Variants in XIRP2 observed in about 807,000 individuals in gnomAD.
XIRP2 encodes the protein xin actin-binding repeat-containing protein 2.
In XIRP2, 236 loss-of-function variants were observed where a neutral mutation model predicts 277.0. The observed-to-expected ratio is 0.85, with a 90% CI of 0.77 to 0.95. The LOEUF (loss-of-function observed/expected upper bound fraction) is 0.95. Ranked by LOEUF, XIRP2 falls within the 40% of genes least tolerant of loss-of-function variation. The probability of loss-of-function intolerance (pLI) is 0.00; values close to 1 mark genes in which losing one functional copy is unlikely to be tolerated. For synonymous variants in XIRP2, 1,490 were observed against 1,416.5 expected, an observed-to-expected ratio of 1.05 and a Z score of -1.17; for missense variants, 4,640 against 4,157.5, an observed-to-expected ratio of 1.12 and a Z score of -3.19.
chr2:167,070,616 C>T (rs946875910), intron 2 of XIRP2, among the ~76,000 whole-genome samples: 1 of 152,108 alleles, frequency 6.6e-6, no homozygotes, highest in African/African-American at 2.4e-5. Flanking sequence ...ATGGCTGTTT[C>T]TTATCAGACA....
At chr2:166,942,016 T>C (rs1261251848) in intron 2 of XIRP2, among the ~76,000 whole-genome samples, 2 of 152,248 alleles carry the variant, frequency 1.3e-5, no homozygotes, top group South Asian at 2.1e-4. Context: ...CTTCCAGTTA[T>C]TCTGCCATTT....
chr2:167,193,511 T>G (rs1418416470), intron 3 of XIRP2, among the ~76,000 whole-genome samples: 1 of 152,180 alleles, frequency 6.6e-6, no homozygotes, highest in Non-Finnish European at 1.5e-5. Context: ...CAAAGAATGA[T>G]GAATAGCCCT....
chr2:167,215,270 A>T (rs573855485), intron 4 of XIRP2, among the ~76,000 whole-genome samples: 1 of 152,254 alleles, frequency 6.6e-6, no homozygotes, highest in Non-Finnish European at 1.5e-5. Context: ...ATTGATTAAG[A>T]TTTGCATTTA....
intron 2 of XIRP2, among the ~76,000 whole-genome samples, chr2:167,121,561 C>G (rs985225976): frequency 2.6e-5 from 4 of 152,078 alleles, no homozygotes; most frequent in African/African-American, 9.7e-5. Flanking sequence ...TCAATTGAAA[C>G]TAGTTAAAAT....
At chr2:167,200,540 T>TGAAAAATTG (rs1287813795) in intron 3 of XIRP2, among the ~76,000 whole-genome samples, 1 of 152,224 alleles carries the variant, frequency 6.6e-6, no homozygotes, top group East Asian at 1.9e-4. Context: ...TGCTTGTCAG[T>TGAAAAATTG]GAAAAATTGG....
intron 5 of XIRP2, among the ~76,000 whole-genome samples, chr2:167,233,238 A>C (rs2105420165): frequency 6.6e-6 from 1 of 152,114 alleles, no homozygotes; most frequent in Middle Eastern, 3.4e-3. Flanking sequence ...GTAGTGAGGA[A>C]TAATTGAGGC....
chr2:167,171,451 C>A (rs1249368856), intron 3 of XIRP2, among the ~76,000 whole-genome samples: 1 of 152,002 alleles, frequency 6.6e-6, no homozygotes, highest in Non-Finnish European at 1.5e-5. Context: ...AAGGAACATA[C>A]TATGTAGGAA....
At chr2:167,021,898 A>G (rs1186553857) in intron 2 of XIRP2, among the ~76,000 whole-genome samples, 1 of 152,070 alleles carries the variant, frequency 6.6e-6, no homozygotes, top group South Asian at 2.1e-4. Flanking sequence ...AATCTGTACA[A>G]ATTAGTATCA....
chr2:167,126,466 G>T (rs6432974), intron 2 of XIRP2, among the ~76,000 whole-genome samples: 44,488 of 152,012 alleles, frequency 0.29, 9,003 homozygotes, highest in African/African-American at 0.57. Context: ...ACATTACACA[G>T]GAGCATACAG....
At chr2:166,979,369 C>CTTT (rs66909002) in intron 2 of XIRP2, among the ~76,000 whole-genome samples, 16 of 108,508 alleles carry the variant, frequency 1.5e-4, no homozygotes, top group East Asian at 5.4e-4. Context: ...CTTTTCTTTT[C>CTTT]TTTTTTTTTT....
intron 2 of XIRP2, among the ~76,000 whole-genome samples, chr2:167,009,759 A>G (rs1002735152): frequency 6.6e-6 from 1 of 152,072 alleles, no homozygotes; most frequent in South Asian, 2.1e-4. Context: ...TCGCTATTCT[A>G]ACTGGTGTGA....
chr2:167,024,155 A>G (rs1302345203), intron 2 of XIRP2, among the ~76,000 whole-genome samples: 1 of 151,992 alleles, frequency 6.6e-6, no homozygotes, highest in Non-Finnish European at 1.5e-5. Context: ...GTTCTCCTTG[A>G]AAAGGTCCCT....
chr2:167,159,696 A>G (rs1163297488), intron 3 of XIRP2, among the ~76,000 whole-genome samples: 1 of 152,160 alleles, frequency 6.6e-6, no homozygotes, highest in Non-Finnish European at 1.5e-5. Context: ...AAACAATAAA[A>G]GGAACTTACT....
At chr2:167,080,108 TATG>T (rs1355105735) in intron 2 of XIRP2, among the ~76,000 whole-genome samples, 1 of 152,074 alleles carries the variant, frequency 6.6e-6, no homozygotes, top group Non-Finnish European at 1.5e-5. Context: ...CCAGGCAAGA[TATG>T]ATGGAAGCTT....
chr2:167,021,334 G>A (rs1687975142), intron 2 of XIRP2, among the ~76,000 whole-genome samples: 1 of 151,972 alleles, frequency 6.6e-6, no homozygotes, highest in African/African-American at 2.4e-5. Flanking sequence ...ATATAATTTG[G>A]CAGAAAAATT....
intron 2 of XIRP2, among the ~76,000 whole-genome samples, chr2:167,102,687 A>G (rs1690518252): frequency 6.6e-6 from 1 of 152,202 alleles, no homozygotes; most frequent in Non-Finnish European, 1.5e-5. Context: ...GTCTTCAGAA[A>G]GATCAAACAG....
chr2:167,115,758 A>G (rs1690880170), intron 2 of XIRP2, among the ~76,000 whole-genome samples: 1 of 152,090 alleles, frequency 6.6e-6, no homozygotes, highest in Admixed American at 6.6e-5. Context: ...TCTGATTTCC[A>G]TGTGCTTCCT....
At chr2:166,947,092 A>G (rs992759237) in intron 2 of XIRP2, among the ~76,000 whole-genome samples, 5 of 152,214 alleles carry the variant, frequency 3.3e-5, no homozygotes, top group African/African-American at 1.2e-4. Flanking sequence ...GAATCTATCA[A>G]TAAACATAGA....
chr2:167,215,321 T>C (rs114759544), intron 4 of XIRP2, among the ~76,000 whole-genome samples: 4 of 152,340 alleles, frequency 2.6e-5, no homozygotes, highest in Non-Finnish European at 5.9e-5. Flanking sequence ...ACCTAGTTCA[T>C]AGAAGAGCAC....
Sources: allele counts gnomAD v4.1 joint callset (sites outside exome capture counted in the v4.1 genomes callset), GRCh38; gene constraint gnomAD v4.1.1; transcripts MANE v1.5; gene names NCBI Gene and HGNC (gene_info 2026-07-23, HGNC 2026-07-21).